FHIT: variants seen among roughly 807,000 people sequenced by gnomAD.
FHIT encodes fragile histidine triad diadenosine triphosphatase, also known as bis(5'-adenosyl)-triphosphatase.
FHIT carries 19 observed loss-of-function variants against 17.9 expected under a neutral mutation model. The ratio of observed to expected loss-of-function variants is 1.06; its 90% CI spans 0.74 to 1.56. The LOEUF (loss-of-function observed/expected upper bound fraction) is 1.56, where lower values mean the gene tolerates loss of function less well. Among genes scored for constraint, FHIT ranks in the 40% most tolerant of loss-of-function variants. The pLI, the probability that FHIT is intolerant of heterozygous loss-of-function variation, is 0.00. For synonymous variants in FHIT, 81 were observed against 69.7 expected (o/e 1.16, Z -0.81); for missense variants, 248 against 189.2 (o/e 1.31, Z -1.82).
At chr3:59,900,676 C>T (rs1399376047) in intron 8 of FHIT, among the ~76,000 whole-genome samples, 2 of 152,090 alleles carry the variant, frequency 1.3e-5, no homozygotes, top group Non-Finnish European at 2.9e-5. Context: ...TGCAGTGGTG[C>T]GATCTCAGCT....
At chr3:60,202,007 A>G (rs1305533878) in intron 5 of FHIT, among the ~76,000 whole-genome samples, 2 of 152,192 alleles carry the variant, frequency 1.3e-5, no homozygotes, top group African/African-American at 4.8e-5. Flanking sequence ...TCTTCTTAGG[A>G]TACTCCAGGA....
chr3:60,710,008 A>G (rs1478894757), intron 4 of FHIT, among the ~76,000 whole-genome samples: 2 of 151,706 alleles, frequency 1.3e-5, no homozygotes, highest in African/African-American at 4.8e-5. Context: ...CCTTGAGACA[A>G]CCATGATATG....
intron 4 of FHIT, among the ~76,000 whole-genome samples, chr3:60,743,884 C>A (rs1261089084): frequency 1.3e-5 from 2 of 152,196 alleles, no homozygotes; most frequent in African/African-American, 2.4e-5. Flanking sequence ...CTCTGTTTGG[C>A]TGGACACAGA....
chr3:59,953,039 TG>T (rs1429881987), intron 7 of FHIT, among the ~76,000 whole-genome samples: 1 of 152,028 alleles, frequency 6.6e-6, no homozygotes, highest in East Asian at 1.9e-4. Flanking sequence ...AGTGTGTGTC[TG>T]GGTGTTTCTC....
At chr3:61,176,162 A>G (rs2038150680) in intron 2 of FHIT, among the ~76,000 whole-genome samples, 1 of 151,906 alleles carries the variant, frequency 6.6e-6, no homozygotes, top group African/African-American at 2.4e-5. Context: ...AAGTACTGAA[A>G]CTCTTCCTTG....
At chr3:60,887,059 A>G (rs542479356) in intron 3 of FHIT, among the ~76,000 whole-genome samples, 1 of 152,338 alleles carries the variant, frequency 6.6e-6, no homozygotes, top group South Asian at 2.1e-4. Context: ...CGATTGATAT[A>G]AAAAGTTTTT....
intron 5 of FHIT, among the ~76,000 whole-genome samples, chr3:60,083,659 C>G: frequency 6.6e-6 from 1 of 152,164 alleles, no homozygotes; most frequent in East Asian, 1.9e-4. Flanking sequence ...AACCTTTTCT[C>G]TAATGTCTGG....
At chr3:59,894,962 G>A (rs1387887257) in intron 8 of FHIT, among the ~76,000 whole-genome samples, 1 of 152,212 alleles carries the variant, frequency 6.6e-6, no homozygotes, top group African/African-American at 2.4e-5. Flanking sequence ...TTCAGAACTT[G>A]GCTACACTGT....
intron 5 of FHIT, among the ~76,000 whole-genome samples, chr3:60,229,462 G>A (rs1298906125): frequency 1.3e-5 from 2 of 150,812 alleles, no homozygotes; most frequent in African/African-American, 4.9e-5. Context: ...AAGAAAGAAA[G>A]AAAAGAAAGC....
intron 4 of FHIT, among the ~76,000 whole-genome samples, chr3:60,792,395 C>T (rs1553728787): frequency 6.6e-6 from 1 of 152,214 alleles, no homozygotes; most frequent in African/African-American, 2.4e-5. Context: ...CAGTTAAAAT[C>T]ATGCTGTCGA....
chr3:60,631,949 G>C (rs782669099), intron 4 of FHIT, among the ~76,000 whole-genome samples: 1 of 152,268 alleles, frequency 6.6e-6, no homozygotes, highest in African/African-American at 2.4e-5. Context: ...CAGACTACCA[G>C]CATCTTCTAC....
Position 60,330,098 on chromosome 3 carries a change from C to A in FHIT, c.103+206762G>T, listed in dbSNP as rs549355009. ...TACATTTAGCAAATGGCTGTGGAAT[C>A]TGGCAATAAAATATTTCCAGTCTCT... On this transcript the variant is annotated intron_variant, in intron 5 of 9. Coordinates refer to ENST00000492590, the MANE Select transcript of FHIT (RefSeq NM_002012.4). 2.0e-5 allele frequency among the ~76,000 whole-genome samples: 3 copies of A among 152,264 alleles called. No individual in the cohort carries two copies. In the South Asian group the frequency reaches 6.2e-4, roughly 32 times the overall value.
At chr3:60,066,997 C>T (rs370301471) in intron 5 of FHIT, among the ~76,000 whole-genome samples, 11 of 152,000 alleles carry the variant, frequency 7.2e-5, no homozygotes, top group African/African-American at 2.7e-4. Context: ...TTTTGCTAGT[C>T]ACTCTCAGTG....
At position 61,053,664 on chromosome 3, in the gene FHIT, G is replaced by GAA. The variant is rs3054020; in HGVS notation, c.-163-11567_-163-11566dup. Among the ~76,000 whole-genome samples the GAA allele has an allele frequency of 9.4e-3, 1,413 of 149,578 alleles. 23 individuals carry two copies. Among genetic ancestry groups the GAA allele is most frequent in the African/African-American group, 0.029 (1,167 of 40,802 alleles). On this transcript the variant is annotated intron_variant, in intron 2 of 9. Coordinates refer to ENST00000492590, the MANE Select transcript of FHIT (RefSeq NM_002012.4). ...CAACAAGAGCAAAACTCCGTCTCAAGAAAAAAAAAATTGTGTTTAAAGTTT... is the reference window on the plus strand; with the variant it reads ...CAACAAGAGCAAAACTCCGTCTCAAGAAAAAAAAAAAATTGTGTTTAAAGTTT...
At chr3:60,671,587 A>C (rs1450354358) in intron 4 of FHIT, among the ~76,000 whole-genome samples, 1 of 152,158 alleles carries the variant, frequency 6.6e-6, no homozygotes, top group Non-Finnish European at 1.5e-5. Context: ...ATATTGAAAA[A>C]AAAATCCCGC....
chr3:60,549,343 G>A (rs985219077), intron 4 of FHIT, among the ~76,000 whole-genome samples: 33 of 151,922 alleles, frequency 2.2e-4, no homozygotes, highest in African/African-American at 7.7e-4. Flanking sequence ...GTACTTACTC[G>A]GTACTTTCAT....
intron 5 of FHIT, among the ~76,000 whole-genome samples, chr3:60,365,358 A>T (rs1195608634): frequency 1.3e-5 from 2 of 152,184 alleles, no homozygotes; most frequent in Admixed American, 6.5e-5. Context: ...ATACATGCTT[A>T]AACCTTTGAA....
chr3:60,451,562 C>G (rs1311123509), intron 5 of FHIT, among the ~76,000 whole-genome samples: 1 of 152,108 alleles, frequency 6.6e-6, no homozygotes, highest in African/African-American at 2.4e-5. Context: ...AATGCAAAAT[C>G]TCAGGTAAAC....
intron 5 of FHIT, among the ~76,000 whole-genome samples, chr3:60,177,534 G>A (rs1701735911): frequency 6.6e-6 from 1 of 152,206 alleles, no homozygotes; most frequent in African/African-American, 2.4e-5. Flanking sequence ...CAAAACAGAA[G>A]AGGCTTACTG....
Sources: allele counts gnomAD v4.1 joint callset (sites outside exome capture counted in the v4.1 genomes callset), GRCh38; gene constraint gnomAD v4.1.1; transcripts MANE v1.5; gene names NCBI Gene and HGNC (gene_info 2026-07-23, HGNC 2026-07-21).